Variants in KHDRBS2 observed in about 807,000 individuals in gnomAD.
KHDRBS2 encodes KH domain-containing, RNA-binding, signal transduction-associated protein 2.
A neutral mutation model predicts 44.3 loss-of-function variants in KHDRBS2; 26 were observed. The observed-to-expected ratio is 0.59, with a 90% CI of 0.43 to 0.81. The LOEUF is 0.81. KHDRBS2 is among the 40% of genes least tolerant of loss of function. The probability of loss-of-function intolerance (pLI) is 0.00; values close to 1 mark genes in which losing one functional copy is unlikely to be tolerated. For missense variants in KHDRBS2, 476 were observed against 433.1 expected, an observed-to-expected ratio of 1.10 and a Z score of -0.88; for synonymous variants, 194 against 151.1, an observed-to-expected ratio of 1.28 and a Z score of -2.08.
At chr6:62,139,718 T>C (rs1439257599) in intron 2 of KHDRBS2, among the ~76,000 whole-genome samples, 1 of 152,172 alleles carries the variant, frequency 6.6e-6, no homozygotes, top group South Asian at 2.1e-4. Context: ...ATCTGAGCTA[T>C]GCAATACTGA....
rs574224421 is a variant in KHDRBS2 at position 61,963,298 on chromosome 6, A to G, written c.483+14768T>C. On this transcript the variant is annotated intron_variant, in intron 4 of 8. Transcript: ENST00000281156. ...TTACATTTTAGCAGTCTAAGAAAAT[A>G]TCTGAGGATCCAGAAATTTCAGAAT... Among the ~76,000 whole-genome samples, 3 of 152,256 alleles carry G rather than the reference A, an allele frequency of 2.0e-5. No individual in the cohort carries two copies. In the South Asian group the frequency reaches 6.2e-4, roughly 32 times the overall value.
intron 4 of KHDRBS2, among the ~76,000 whole-genome samples, chr6:61,966,225 A>T (rs1309689305): frequency 2.6e-5 from 4 of 152,068 alleles, no homozygotes; most frequent in Admixed American, 6.6e-5. Flanking sequence ...AAGATAAAAC[A>T]TTCATTTAAG....
At chr6:61,945,941 G>T (rs539819932) in intron 4 of KHDRBS2, among the ~76,000 whole-genome samples, 2 of 152,262 alleles carry the variant, frequency 1.3e-5, no homozygotes, top group African/African-American at 4.8e-5. Context: ...AGTAAGTCTT[G>T]CATTATAAAT....
chr6:62,234,982 AT>A (rs1388528464), intron 1 of KHDRBS2, among the ~76,000 whole-genome samples: 2 of 151,864 alleles, frequency 1.3e-5, no homozygotes, highest in African/African-American at 4.8e-5. Context: ...GGTTTTATTC[AT>A]GATAAAAAAT....
intron 2 of KHDRBS2, among the ~76,000 whole-genome samples, chr6:62,049,040 A>C (rs1207648462): frequency 1.3e-5 from 2 of 151,646 alleles, no homozygotes. Context: ...ACCATAGTTA[A>C]TGGTATAAAA....
At chr6:62,158,109 C>G (rs1489545365) in intron 2 of KHDRBS2, among the ~76,000 whole-genome samples, 6 of 152,078 alleles carry the variant, frequency 3.9e-5, no homozygotes, top group Admixed American at 6.6e-5. Context: ...CCATTTCATC[C>G]CTATTCTTAT....
At chr6:61,869,316 T>C (rs189643373) in intron 6 of KHDRBS2, among the ~76,000 whole-genome samples, 35 of 152,362 alleles carry the variant, frequency 2.3e-4, no homozygotes, top group Admixed American at 5.9e-4. Flanking sequence ...ATAGCAATGT[T>C]AGAAGCAAGT....
chr6:62,123,014 T>C (rs1808061096), intron 2 of KHDRBS2, among the ~76,000 whole-genome samples: 1 of 152,148 alleles, frequency 6.6e-6, no homozygotes, highest in African/African-American at 2.4e-5. Context: ...ACTTGAGATT[T>C]ACATTAAGTG....
the KHDRBS2 span, among the ~76,000 whole-genome samples, chr6:61,557,384 T>C: frequency 1.3e-5 from 2 of 152,126 alleles, no homozygotes; most frequent in East Asian, 1.9e-4. Context: ...AGATAGAATA[T>C]ATATAGAGAG....
chr6:61,751,333 G>A (rs141965224), intron 6 of KHDRBS2, among the ~76,000 whole-genome samples: 320 of 152,212 alleles, frequency 2.1e-3, no homozygotes, highest in Admixed American at 2.2e-3. Context: ...TGAGTTCCAG[G>A]GGCTACTGAT....
intron 1 of KHDRBS2, among the ~76,000 whole-genome samples, chr6:62,243,256 T>A (rs1422457328): frequency 6.6e-6 from 1 of 152,170 alleles, no homozygotes; most frequent in African/African-American, 2.4e-5. Flanking sequence ...AAAATGTTAA[T>A]GTTTTCCAGA....
At chr6:61,601,675 A>G in the KHDRBS2 span, among the ~76,000 whole-genome samples, 1 of 151,816 alleles carries the variant, frequency 6.6e-6, no homozygotes, top group Non-Finnish European at 1.5e-5. Context: ...CCTAACCCCA[A>G]GTGTTGCTGA....
chr6:61,853,912 C>T (rs6924041), intron 6 of KHDRBS2, among the ~76,000 whole-genome samples: 24,136 of 152,070 alleles, frequency 0.16, 2,491 homozygotes, highest in East Asian at 0.28. Context: ...ACCTTTCATA[C>T]TGTCTTAAGA....
At chr6:61,934,585 T>A (rs1344011937) in intron 4 of KHDRBS2, among the ~76,000 whole-genome samples, 1 of 152,206 alleles carries the variant, frequency 6.6e-6, no homozygotes, top group Non-Finnish European at 1.5e-5. Context: ...CATAAACTTG[T>A]ATTTATTTAG....
At chr6:61,945,066 G>A (rs1196699940) in intron 4 of KHDRBS2, among the ~76,000 whole-genome samples, 1 of 127,068 alleles carries the variant, frequency 7.9e-6, no homozygotes, top group Non-Finnish European at 1.6e-5. Context: ...ACTCCAGTAC[G>A]GAAGACAGAG....
chr6:62,222,120 A>T (rs1241549366), intron 1 of KHDRBS2, among the ~76,000 whole-genome samples: 1 of 152,162 alleles, frequency 6.6e-6, no homozygotes, highest in Non-Finnish European at 1.5e-5. Flanking sequence ...AAAAAAGTTA[A>T]CACTTCTAAT....
At chr6:62,222,236 C>G (rs1563087665) in intron 1 of KHDRBS2, among the ~76,000 whole-genome samples, 1 of 148,928 alleles carries the variant, frequency 6.7e-6, no homozygotes, top group African/African-American at 2.5e-5. Context: ...GAGAGAGAGA[C>G]AGAGAGAATG....
intron 2 of KHDRBS2, among the ~76,000 whole-genome samples, chr6:62,074,424 A>G (rs1306256493): frequency 6.6e-6 from 1 of 151,832 alleles, no homozygotes; most frequent in Non-Finnish European, 1.5e-5. Flanking sequence ...ATAGTCCACC[A>G]TCTTCTTGGT....
At chr6:61,952,483 A>AT (rs1764964480) in intron 4 of KHDRBS2, among the ~76,000 whole-genome samples, 2 of 152,138 alleles carry the variant, frequency 1.3e-5, no homozygotes. Context: ...TTCAAAACTA[A>AT]TAAGTACCAT....
Sources: gnomAD v4.1 joint callset for allele counts (sites outside exome capture counted in the v4.1 genomes callset) on GRCh38, gnomAD v4.1.1 for gene constraint, MANE v1.5 for transcripts, NCBI Gene and HGNC (gene_info 2026-07-23, HGNC 2026-07-21) for gene names.